KCNN2: variants seen among roughly 807,000 people sequenced by gnomAD.
The protein encoded by KCNN2 is small conductance calcium-activated potassium channel protein 2.
Under a neutral mutation model 55.5 loss-of-function variants are expected in KCNN2, and 24 were observed. The observed-to-expected ratio is 0.43, with a 90% CI of 0.31 to 0.61. The LOEUF is 0.61. Ranked by LOEUF, KCNN2 falls within the 20% of genes least tolerant of loss-of-function variation. KCNN2 has a pLI of 0.08. For synonymous variants in KCNN2, 431 were observed against 336.1 expected, an observed-to-expected ratio of 1.28 and a Z score of -3.09; for missense variants, 754 against 853.6, an observed-to-expected ratio of 0.88 and a Z score of 1.45.
chr5:114,408,164 A>G (rs896411588), intron 3 of KCNN2, among the ~76,000 whole-genome samples: 1 of 149,498 alleles, frequency 6.7e-6, no homozygotes, highest in African/African-American at 2.5e-5. Flanking sequence ...TTCTCATGTC[A>G]GGTAAGTCAG....
At chr5:114,441,191 AAAAT>A (rs1760194560) in intron 3 of KCNN2, among the ~76,000 whole-genome samples, 1 of 152,204 alleles carries the variant, frequency 6.6e-6, no homozygotes, top group Non-Finnish European at 1.5e-5. Context: ...CAAAATATAT[AAAAT>A]AAAACAGTGA....
intron 2 of KCNN2, among the ~76,000 whole-genome samples, chr5:114,271,111 T>G (rs1755322010): frequency 1.3e-5 from 2 of 152,138 alleles, no homozygotes; most frequent in Admixed American, 1.3e-4. Context: ...TTCCCTTATT[T>G]GGCCCTGCCC....
At chr5:114,440,045 A>G (rs1192002945) in intron 3 of KCNN2, among the ~76,000 whole-genome samples, 1 of 152,088 alleles carries the variant, frequency 6.6e-6, no homozygotes, top group Non-Finnish European at 1.5e-5. Flanking sequence ...CTGACATAAG[A>G]CATAAGCCTC....
At chr5:114,395,847 C>T (rs1049518733) in intron 2 of KCNN2, among the ~76,000 whole-genome samples, 6 of 152,140 alleles carry the variant, frequency 3.9e-5, no homozygotes, top group African/African-American at 1.2e-4. Flanking sequence ...TCCAAATGCC[C>T]TCCGCATTTG....
At chr5:114,200,098 T>G (rs139335840) in intron 1 of KCNN2, among the ~76,000 whole-genome samples, 1 of 152,188 alleles carries the variant, frequency 6.6e-6, no homozygotes, top group African/African-American at 2.4e-5. Context: ...TTTTTAGATA[T>G]ATATTCTAAA....
chr5:114,154,858 A>G (rs1448028444), intron 1 of KCNN2, among the ~76,000 whole-genome samples: 2 of 152,144 alleles, frequency 1.3e-5, no homozygotes, highest in African/African-American at 4.8e-5. Flanking sequence ...GTAGCAATAG[A>G]AATATTTTGC....
intron 2 of KCNN2, among the ~76,000 whole-genome samples, chr5:114,385,534 C>A (rs535055967): frequency 6.6e-6 from 1 of 151,692 alleles, no homozygotes; most frequent in Non-Finnish European, 1.5e-5. Context: ...CACACACACA[C>A]ACACACACAC....
intron 1 of KCNN2, chr5:114,056,548 G>C: frequency 2.5e-6 from 1 of 397,088 alleles, no homozygotes; most frequent in Non-Finnish European, 4.4e-6. Context: ...AGATTTAATG[G>C]GGACCAGCCT....
intron 2 of KCNN2, among the ~76,000 whole-genome samples, chr5:114,364,471 G>C (rs1387792355): frequency 6.6e-6 from 1 of 152,054 alleles, no homozygotes; most frequent in Non-Finnish European, 1.5e-5. Flanking sequence ...ATATAAATGA[G>C]ATATGGGAAA....
chr5:114,156,685 C>G (rs1752642185), intron 1 of KCNN2, among the ~76,000 whole-genome samples: 1 of 151,982 alleles, frequency 6.6e-6, no homozygotes, highest in African/African-American at 2.4e-5. Context: ...CTTGGCTTGA[C>G]TATTGGTGTA....
At chr5:114,303,030 C>A (rs765138681) in intron 2 of KCNN2, among the ~76,000 whole-genome samples, 2 of 152,180 alleles carry the variant, frequency 1.3e-5, no homozygotes, top group African/African-American at 4.8e-5. Context: ...CTTCGATATA[C>A]GTCGATGTAC....
intron 1 of KCNN2, among the ~76,000 whole-genome samples, chr5:114,095,561 G>C (rs1374546938): frequency 1.3e-5 from 2 of 152,144 alleles, no homozygotes; most frequent in Admixed American, 1.3e-4. Context: ...AGGTTGCCTG[G>C]AGTCACAGAG....
At chr5:114,302,831 G>T (rs1452775634) in intron 2 of KCNN2, among the ~76,000 whole-genome samples, 1 of 152,124 alleles carries the variant, frequency 6.6e-6, no homozygotes, top group Non-Finnish European at 1.5e-5. Flanking sequence ...GCTGAATAAA[G>T]TACCCAAGCA....
chr5:114,419,093 T>G (rs1759395005), intron 3 of KCNN2, among the ~76,000 whole-genome samples: 1 of 152,254 alleles, frequency 6.6e-6, no homozygotes, highest in Non-Finnish European at 1.5e-5. Flanking sequence ...AATTTGTGCT[T>G]CTTATTGATA....
chr5:114,348,080 C>T (rs1757144974), intron 2 of KCNN2, among the ~76,000 whole-genome samples: 1 of 152,066 alleles, frequency 6.6e-6, no homozygotes, highest in Non-Finnish European at 1.5e-5. Flanking sequence ...AAACCACATG[C>T]AGCAGGCTGC....
chr5:114,431,489 G>A (rs944964979), intron 3 of KCNN2, among the ~76,000 whole-genome samples: 29 of 151,822 alleles, frequency 1.9e-4, no homozygotes, highest in Admixed American at 1.2e-3. Context: ...TCATTTGCTT[G>A]TCATGAAATT....
intron 1 of KCNN2, among the ~76,000 whole-genome samples, chr5:114,175,533 G>A (rs968379719): frequency 6.6e-6 from 1 of 152,066 alleles, no homozygotes; most frequent in Non-Finnish European, 1.5e-5. Context: ...AAAGAGAAAG[G>A]CCTGATAGTA....
intron 1 of KCNN2, among the ~76,000 whole-genome samples, chr5:114,127,833 A>G (rs1222712764): frequency 6.6e-6 from 1 of 152,154 alleles, no homozygotes; most frequent in East Asian, 1.9e-4. Context: ...CATCTCTCTC[A>G]AATTCAAAGT....
At chr5:114,449,908 A>ACACACACACACGCG (rs1309590184) in intron 3 of KCNN2, among the ~76,000 whole-genome samples, 13 of 66,184 alleles carry the variant, frequency 2.0e-4, no homozygotes, top group African/African-American at 4.5e-4. Flanking sequence ...ACACACACAC[A>ACACACACACACGCG]CGCGCGCGCT....
Sources: gnomAD v4.1 joint callset for allele counts (sites outside exome capture counted in the v4.1 genomes callset) on GRCh38, gnomAD v4.1.1 for gene constraint, MANE v1.5 for transcripts, NCBI Gene and HGNC (gene_info 2026-07-23, HGNC 2026-07-21) for gene names.